TVP23B: variants seen among roughly 807,000 people sequenced by gnomAD.
TVP23B encodes trans-golgi network vesicle protein 23 homolog B.
In TVP23B, 10 loss-of-function variants were observed where a neutral mutation model predicts 30.6. The observed-to-expected ratio is 0.33, with a 90% CI of 0.20 to 0.55. TVP23B has a LOEUF of 0.55. Among genes scored for constraint, TVP23B ranks in the 20% least tolerant of loss-of-function variants. TVP23B has a pLI of 0.91. For missense variants in TVP23B, 153 were observed against 243.2 expected, an observed-to-expected ratio of 0.63 and a Z score of 2.47; for synonymous variants, 67 against 83.1, an observed-to-expected ratio of 0.81 and a Z score of 1.06.
chr17:18,785,385 CTTTTTT>C (rs61537943), intron 1 of TVP23B, among the ~76,000 whole-genome samples: 1 of 137,804 alleles, frequency 7.3e-6, no homozygotes, highest in African/African-American at 2.7e-5. Flanking sequence ...AGCTATTTGT[CTTTTTT>C]TTTTTTTTTT....
intron 4 of TVP23B, 145 bp from the exon 5 acceptor site, chr17:18,798,667 G>C: frequency 8.8e-7 from 1 of 1,132,060 alleles, no homozygotes; most frequent in Non-Finnish European, 1.2e-6. Flanking sequence ...AAGAGTGATA[G>C]TCATGTATTT....
intron 1 of TVP23B, among the ~76,000 whole-genome samples, chr17:18,785,315 C>G (rs1360456832): frequency 6.6e-6 from 1 of 151,930 alleles, no homozygotes; most frequent in Non-Finnish European, 1.5e-5. Context: ...TGATTTTGCC[C>G]CGAAATCTTT....
chr17:18,785,106 CGTT>C (rs1261421920), intron 1 of TVP23B, among the ~76,000 whole-genome samples: 10 of 152,242 alleles, frequency 6.6e-5, no homozygotes, highest in Admixed American at 3.3e-4. Flanking sequence ...AGTCTCCTAG[CGTT>C]GTGCTTTTGT....
At chr17:18,788,322 C>A in intron 1 of TVP23B, among the ~76,000 whole-genome samples, 2 of 92,404 alleles carry the variant, frequency 2.2e-5, no homozygotes, top group Non-Finnish European at 2.2e-5. Flanking sequence ...CAGAGCAAGA[C>A]TCCATCTCAA....
chr17:18,793,133 G>C (rs1338761907), intron 3 of TVP23B, among the ~76,000 whole-genome samples: 1 of 152,090 alleles, frequency 6.6e-6, no homozygotes, highest in Non-Finnish European at 1.5e-5. Flanking sequence ...GGCAGCATGA[G>C]GCCTGTGGGC....
chr17:18,801,479 T>C (rs778523473), intron 5 of TVP23B, among the ~76,000 whole-genome samples: 4 of 152,192 alleles, frequency 2.6e-5, no homozygotes, highest in Non-Finnish European at 5.9e-5. Context: ...TGGCTGCTGC[T>C]CTGAGCTGGA....
chr17:18,784,649 CA>C (rs199795410), intron 1 of TVP23B, among the ~76,000 whole-genome samples: 1 of 151,334 alleles, frequency 6.6e-6, no homozygotes, highest in Non-Finnish European at 1.5e-5. Flanking sequence ...GACTCCGTCT[CA>C]AAAAAAAGAA....
In TVP23B at chr17:18,781,200, T is replaced by A; in HGVS notation, c.-94T>A. 1 of 1,537,808 alleles carries A rather than the reference T, an allele frequency of 6.5e-7. No individual in the cohort carries two copies. Reference sequence around the variant, plus strand: ...CTGAGGCTCTTACAGTGGTCCCTGCTGGCCCTTGGTGACGGGTCGCCTCAG... The same window carrying A: ...CTGAGGCTCTTACAGTGGTCCCTGCAGGCCCTTGGTGACGGGTCGCCTCAG... On this transcript the variant is annotated 5_prime_UTR_variant, in exon 1 of 7. Transcript: ENST00000307767.
rs1240187094 is a variant in TVP23B at position 18,789,404 on chromosome 17, A to T, written c.64A>T (p.Thr22Ser). 3 of 1,613,912 alleles carry T rather than the reference A, an allele frequency of 1.9e-6. No homozygotes were observed. Among genetic ancestry groups the T allele is most frequent in the Non-Finnish European group, 2.5e-6 (3 of 1,179,856 alleles). The change falls in exon 2 of 7, where the codon ACG becomes TCG. Residue 22 changes from threonine to serine, a missense_variant. Thr to Ser is a moderately conservative substitution (Grantham distance 58). Coordinates refer to ENST00000307767, the MANE Select transcript of TVP23B (RefSeq NM_016078.6). ...TTCACTGTTTGATGCGGAAGAGGAG[A>T]CGACTAATAGACCAAGAAAAGCCAA... The part of the protein sequence containing the change: ...DVSLFDAEEE[T>S]TNRPRKAKIR...
intron 1 of TVP23B, among the ~76,000 whole-genome samples, chr17:18,787,364 CTG>C (rs1419416554): frequency 3.3e-4 from 47 of 142,306 alleles, no homozygotes; most frequent in Non-Finnish European, 6.2e-4. Flanking sequence ...GACCATACCA[CTG>C]TACTCCAGCC....
In TVP23B at chr17:18,784,913, A is replaced by G. The variant is rs1207112645; in HGVS notation, c.12+3608A>G. ...ATCTTTTTAGTTGTTCAGGACAAAAACTTTGGAATCTTCCTTGATTCCTTT... is the reference window on the plus strand; with the variant it reads ...ATCTTTTTAGTTGTTCAGGACAAAAGCTTTGGAATCTTCCTTGATTCCTTT... On this transcript the variant is annotated intron_variant, in intron 1 of 6. Transcript: ENST00000307767. Among the ~76,000 whole-genome samples the G allele has an allele frequency of 2.0e-5, 3 of 152,174 alleles. No homozygotes were observed. In the East Asian group the frequency reaches 5.8e-4, roughly 29 times the overall value.
intron 5 of TVP23B, among the ~76,000 whole-genome samples, chr17:18,801,585 T>G (rs937787705): frequency 4.6e-5 from 7 of 152,036 alleles, no homozygotes; most frequent in African/African-American, 1.7e-4. Context: ...GCTGCCTGGT[T>G]TTGCGTTCTC....
At chr17:18,789,989 G>C (rs1053870748) in intron 2 of TVP23B, among the ~76,000 whole-genome samples, 4 of 152,200 alleles carry the variant, frequency 2.6e-5, no homozygotes, top group African/African-American at 9.7e-5. Context: ...AAGCTGAGGG[G>C]TTTGAAGGTA....
intron 3 of TVP23B, among the ~76,000 whole-genome samples, chr17:18,792,954 A>G (rs1387082422): frequency 1.3e-5 from 2 of 152,208 alleles, no homozygotes; most frequent in Admixed American, 6.5e-5. Flanking sequence ...TAGGTGTCCA[A>G]TCTTTTGGTT....
At chr17:18,798,999 T>C in intron 5 of TVP23B, 56 bp downstream of exon 5, 2 of 1,567,684 alleles carry the variant, frequency 1.3e-6, no homozygotes, top group Non-Finnish European at 1.7e-6. Flanking sequence ...ATGGTAATCA[T>C]AGGAAGCAAC....
chr17:18,791,179 TGCA>T, intron 3 of TVP23B, 139 bp downstream of exon 3: 1 of 391,072 alleles, frequency 2.6e-6, no homozygotes. Flanking sequence ...TATATCAAAT[TGCA>T]TGTAGTTTTT....
At chr17:18,802,345 T>C (rs2036180691) in intron 5 of TVP23B, among the ~76,000 whole-genome samples, 1 of 152,246 alleles carries the variant, frequency 6.6e-6, no homozygotes, top group African/African-American at 2.4e-5. Flanking sequence ...TCATCTCTCA[T>C]GATTAATGAT....
intron 3 of TVP23B, among the ~76,000 whole-genome samples, chr17:18,793,915 A>G (rs2036036815): frequency 2.6e-5 from 4 of 152,186 alleles, no homozygotes; most frequent in Admixed American, 6.5e-5. Context: ...GAAGGCAAAG[A>G]TAACATCAGA....
chr17:18,794,130 A>C (rs1475913802), intron 3 of TVP23B, among the ~76,000 whole-genome samples: 3 of 152,140 alleles, frequency 2.0e-5, no homozygotes, highest in Non-Finnish European at 4.4e-5. Context: ...AGTTTAACAA[A>C]CTACTATCTT....
Sources: allele counts gnomAD v4.1 joint callset (sites outside exome capture counted in the v4.1 genomes callset), GRCh38; gene constraint gnomAD v4.1.1; transcripts MANE v1.5; gene names NCBI Gene and HGNC (gene_info 2026-07-23, HGNC 2026-07-21).